Variants in SUSD1 observed in about 807,000 individuals in gnomAD.
The protein encoded by SUSD1 is sushi domain-containing protein 1.
A neutral mutation model predicts 86.9 loss-of-function variants in SUSD1; 65 were observed. The ratio of observed to expected loss-of-function variants is 0.75; its 90% CI spans 0.61 to 0.92. SUSD1 has a LOEUF of 0.92. Ranked by LOEUF, SUSD1 falls within the 40% of genes least tolerant of loss-of-function variation. The pLI is 0.00. For missense variants in SUSD1, 850 were observed against 929.7 expected (o/e 0.91, Z 1.11); for synonymous variants, 346 against 350.0 (o/e 0.99, Z 0.13).
At chr9:112,099,022 TC>T (rs964681302) in intron 9 of SUSD1, among the ~76,000 whole-genome samples, 1 of 20,690 alleles carries the variant, frequency 4.8e-5, no homozygotes, top group Non-Finnish European at 9.5e-5. Flanking sequence ...TCGTTCTCTC[TC>T]TCTCTCTCTC....
chr9:112,042,026 C>A (rs1827762957), intron 15 of SUSD1, 66 bp from the exon 16 acceptor site: 2 of 1,583,830 alleles, frequency 1.3e-6, no homozygotes, highest in Non-Finnish European at 1.7e-6. Context: ...GAGGCACACA[C>A]CCCACTGTGC....
At chr9:112,109,597 G>A (rs1831005040) in intron 8 of SUSD1, among the ~76,000 whole-genome samples, 1 of 152,178 alleles carries the variant, frequency 6.6e-6, no homozygotes, top group Non-Finnish European at 1.5e-5. Context: ...TCAATACAGA[G>A]TTAAGATGCA....
At chr9:112,158,444 G>A (rs577842396) in intron 1 of SUSD1, among the ~76,000 whole-genome samples, 23 of 151,944 alleles carry the variant, frequency 1.5e-4, no homozygotes, top group Non-Finnish European at 2.2e-4. Flanking sequence ...AGGTTGAAGC[G>A]CAGTGGCATG....
At chr9:112,073,035 G>T (rs186493672) in intron 12 of SUSD1, among the ~76,000 whole-genome samples, 51 of 152,152 alleles carry the variant, frequency 3.4e-4, no homozygotes, top group African/African-American at 1.2e-3. Flanking sequence ...GAGAAGCCTC[G>T]GTAAAAGAAA....
At chr9:112,135,150 G>A (rs1317728113) in intron 5 of SUSD1, among the ~76,000 whole-genome samples, 2 of 152,056 alleles carry the variant, frequency 1.3e-5, no homozygotes, top group Non-Finnish European at 2.9e-5. Context: ...ATTCTCAAGC[G>A]TAGTTTATTA....
At chr9:112,110,185 C>T (rs976723968) in intron 8 of SUSD1, among the ~76,000 whole-genome samples, 1 of 151,990 alleles carries the variant, frequency 6.6e-6, no homozygotes, top group African/African-American at 2.4e-5. Context: ...TCAGTCTCTA[C>T]TAAAAATACA....
intron 15 of SUSD1, among the ~76,000 whole-genome samples, chr9:112,049,471 A>G (rs1342162562): frequency 6.6e-6 from 1 of 152,232 alleles, no homozygotes; most frequent in Non-Finnish European, 1.5e-5. Flanking sequence ...AGACTCAGGC[A>G]AGTAAGCCCA....
At chr9:112,109,722 C>T (rs1831010406) in intron 8 of SUSD1, among the ~76,000 whole-genome samples, 3 of 152,220 alleles carry the variant, frequency 2.0e-5, no homozygotes, top group Admixed American at 2.0e-4. Flanking sequence ...GTCATCCTCA[C>T]TGAACAGTGG....
chr9:112,142,340 G>T lies in SUSD1; in HGVS notation c.686C>A (p.Ser229Tyr), dbSNP rs113511367. The change falls in exon 5 of 17, where the codon TCC becomes TAC. Residue 229 changes from serine (S) to tyrosine (Y), a missense_variant. Ser to Tyr is a moderately radical substitution (Grantham distance 144). Coordinates refer to ENST00000374270, the MANE Select transcript of SUSD1 (RefSeq NM_022486.5). ...SSCTGLGTWESPKLHCQEINC... is the reference protein window; with the variant it reads ...SSCTGLGTWEYPKLHCQEINC... ...CTCACCTTGGCAATGTAATTTTGGG[G>T]ACTCCCATGTGCCCAGGCCTGTGCA... The T allele has an allele frequency of 3.2e-5, 51 of 1,582,642 alleles. No homozygotes were observed. In the African/African-American group the frequency reaches 5.2e-4, roughly 16 times the overall value.
chr9:112,127,756 G>A (rs1003191540), intron 5 of SUSD1, among the ~76,000 whole-genome samples: 21 of 152,172 alleles, frequency 1.4e-4, no homozygotes, highest in African/African-American at 4.6e-4. Context: ...ATGTTATATA[G>A]AAATAATAAT....
At chr9:112,057,931 C>T (rs926735191) in intron 14 of SUSD1, among the ~76,000 whole-genome samples, 40 of 152,264 alleles carry the variant, frequency 2.6e-4, no homozygotes, top group African/African-American at 8.4e-4. Flanking sequence ...ATATTGAGTT[C>T]CACGTCTCAG....
chr9:112,140,018 G>A (rs1189587051), intron 5 of SUSD1, among the ~76,000 whole-genome samples: 1 of 152,022 alleles, frequency 6.6e-6, no homozygotes, highest in East Asian at 1.9e-4. Context: ...TTGAACCCAG[G>A]AGTTCAAGAC....
intron 12 of SUSD1, among the ~76,000 whole-genome samples, chr9:112,074,326 G>T (rs1829416850): frequency 6.6e-6 from 1 of 152,168 alleles, no homozygotes; most frequent in South Asian, 2.1e-4. Flanking sequence ...GTCCTAAAGG[G>T]GATGCGTGCC....
chr9:112,169,885 G>A (rs1833969218), intron 1 of SUSD1, among the ~76,000 whole-genome samples: 1 of 152,066 alleles, frequency 6.6e-6, no homozygotes, highest in African/African-American at 2.4e-5. Flanking sequence ...ATGTTGGTCA[G>A]GCTGGTCTCG....
chr9:112,097,944 T>C (rs928782969), intron 10 of SUSD1, among the ~76,000 whole-genome samples: 2 of 152,172 alleles, frequency 1.3e-5, no homozygotes, highest in Non-Finnish European at 2.9e-5. Flanking sequence ...GTGGAGTTAA[T>C]ACAGCTGGCA....
At chr9:112,129,958 C>T (rs1031143215) in intron 5 of SUSD1, among the ~76,000 whole-genome samples, 3 of 152,170 alleles carry the variant, frequency 2.0e-5, no homozygotes, top group Non-Finnish European at 2.9e-5. Flanking sequence ...TTATCCAACA[C>T]AGGTAATTCA....
intron 1 of SUSD1, among the ~76,000 whole-genome samples, chr9:112,166,170 G>A (rs946961230): frequency 1.3e-5 from 2 of 152,190 alleles, no homozygotes; most frequent in Non-Finnish European, 2.9e-5. Context: ...ACAGGCAGGG[G>A]TGCTTATTAT....
At chr9:112,080,436 C>A (rs1052921981) in intron 10 of SUSD1, among the ~76,000 whole-genome samples, 26 of 152,090 alleles carry the variant, frequency 1.7e-4, no homozygotes, top group Admixed American at 1.6e-3. Context: ...GCCTGTAACC[C>A]CAGCACTTTG....
In SUSD1 at chr9:112,151,199, C is replaced by CCTCCCAAAGAG. The variant is rs570560742; in HGVS notation, c.218-1811_218-1801dup. Among the ~76,000 whole-genome samples, 880 of 152,332 alleles carry CCTCCCAAAGAG rather than the reference C, an allele frequency of 5.8e-3. 2 individuals carry two copies. Among genetic ancestry groups the CCTCCCAAAGAG allele is most frequent in the Non-Finnish European group, 9.0e-3 (611 of 68,030 alleles). The stretch of plus-strand genomic sequence containing the variant: ...GCCTTAAGGGATCCTCCCACCTTAG[C>CCTCCCAAAGAG]CTCCCAAAGAGCTCCCAAAGGGATT... On this transcript the variant is annotated intron_variant, in intron 2 of 16. Transcript: ENST00000374270.
Sources: allele counts gnomAD v4.1 joint callset (sites outside exome capture counted in the v4.1 genomes callset), GRCh38; gene constraint gnomAD v4.1.1; transcripts MANE v1.5; gene names NCBI Gene and HGNC (gene_info 2026-07-23, HGNC 2026-07-21).